Variants in COL4A5 observed in about 807,000 individuals in gnomAD.
COL4A5 encodes the protein collagen type IV alpha 5 chain.
COL4A5 carries 26 observed loss-of-function variants against 130.2 expected under a neutral mutation model. The observed-to-expected ratio is 0.20, with a 90% confidence interval of 0.15 to 0.28. The LOEUF is 0.28. COL4A5 is among the 10% of genes least tolerant of loss of function. The pLI is 1.00. For synonymous variants in COL4A5, 496 were observed against 439.6 expected, an observed-to-expected ratio of 1.13 and a Z score of -1.60; for missense variants, 1,131 against 1,344.3, an observed-to-expected ratio of 0.84 and a Z score of 2.48.
intron 1 of COL4A5, among the ~76,000 whole-genome samples, chrX:108,517,117 A>G (rs1472329482): frequency 8.9e-6 from 1 of 111,798 alleles, no homozygotes; most frequent in Non-Finnish European, 1.9e-5. Context: ...TTAACACATC[A>G]ATCCCATGTA....
intron 21 of COL4A5, among the ~76,000 whole-genome samples, chrX:108,592,189 C>A (rs760936173): frequency 1.8e-5 from 2 of 111,891 alleles, no homozygotes; most frequent in South Asian, 7.5e-4. Flanking sequence ...CTGATTGCTA[C>A]CACCATATTT....
intron 17 of COL4A5, among the ~76,000 whole-genome samples, chrX:108,583,215 T>G (rs1034021902): frequency 3.6e-5 from 4 of 112,102 alleles, no homozygotes; most frequent in Non-Finnish European, 7.5e-5. Context: ...ACTTTGAGCA[T>G]GTATCGGCAA....
intron 44 of COL4A5, among the ~76,000 whole-genome samples, chrX:108,679,609 T>C (rs1255283322): frequency 1.3e-4 from 14 of 111,605 alleles, no homozygotes; most frequent in African/African-American, 4.2e-4. Flanking sequence ...CATAATAAGA[T>C]GCTCCAGGCT....
intron 6 of COL4A5, among the ~76,000 whole-genome samples, chrX:108,570,833 C>A (rs1052111980): frequency 1.8e-5 from 2 of 111,718 alleles, no homozygotes; most frequent in African/African-American, 6.5e-5. Context: ...TCTTCTACAG[C>A]AATTTCAGCT....
At chrX:108,617,842 A>G (rs2066959982) in intron 30 of COL4A5, among the ~76,000 whole-genome samples, 1 of 111,925 alleles carries the variant, frequency 8.9e-6, no homozygotes, top group African/African-American at 3.2e-5. Context: ...GGAAAAAAAA[A>G]TTCATCACCA....
Position 108,539,081 on chromosome X carries a change from T to G in COL4A5, c.82-665T>G, listed in dbSNP as rs1440605792. ...TTTATGCTCCATGATTGCTCATGAATGGAGAGAAACAAGTGACTTGAAGTG... is the reference window on the plus strand; with the variant it reads ...TTTATGCTCCATGATTGCTCATGAAGGGAGAGAAACAAGTGACTTGAAGTG... On this transcript the variant is annotated intron_variant, in intron 1 of 52. Transcript: ENST00000328300. 2.7e-5 allele frequency among the ~76,000 whole-genome samples: 3 copies of G among 111,624 alleles called. No individual in the cohort carries two copies. The East Asian group carries it at 8.5e-4, about 32-fold the overall frequency.
intron 44 of COL4A5, 130 bp downstream of exon 44, chrX:108,677,763 T>A: frequency 1.2e-6 from 1 of 835,691 alleles, no homozygotes; most frequent in Non-Finnish European, 1.7e-6. Context: ...ACTGGCGAAT[T>A]AAAAAGACAG....
chrX:108,687,380 A>G, intron 48 of COL4A5, 102 bp from the exon 49 acceptor site: 1 of 721,323 alleles, frequency 1.4e-6, no homozygotes, highest in African/African-American at 2.1e-5. Flanking sequence ...ATAAATATCA[A>G]ATAAATTAAC....
At chrX:108,616,015 A>G (rs1411888414) in intron 30 of COL4A5, among the ~76,000 whole-genome samples, 1 of 111,677 alleles carries the variant, frequency 9.0e-6, no homozygotes, top group African/African-American at 3.3e-5. Flanking sequence ...ACTATTTACA[A>G]TTGATTATAT....
intron 36 of COL4A5, among the ~76,000 whole-genome samples, chrX:108,633,753 C>T (rs1310873635): frequency 9.0e-6 from 1 of 111,613 alleles, no homozygotes; most frequent in African/African-American, 3.2e-5. Context: ...AATTTAGAAA[C>T]TTAACAAAGA....
At chrX:108,662,329 T>G (rs2147946616) in intron 37 of COL4A5, among the ~76,000 whole-genome samples, 1 of 110,970 alleles carries the variant, frequency 9.0e-6, no homozygotes, top group Non-Finnish European at 1.9e-5. Context: ...GTGTTTCTTA[T>G]AGTGAAGTCT....
chrX:108,455,008 C>T (rs1221756331), intron 1 of COL4A5, among the ~76,000 whole-genome samples: 1 of 111,817 alleles, frequency 8.9e-6, no homozygotes, highest in Non-Finnish European at 1.9e-5. Context: ...CATATGTATA[C>T]ACCTGCGAAA....
chrX:108,607,545 G>A (rs757916406), intron 29 of COL4A5, among the ~76,000 whole-genome samples: 1 of 88,331 alleles, frequency 1.1e-5, no homozygotes, highest in South Asian at 7.7e-4. Flanking sequence ...GTGCAATGGC[G>A]TGATCTTGGC....
chrX:108,670,796 C>A, intron 42 of COL4A5: 1 of 280,470 alleles, frequency 3.6e-6, no homozygotes, highest in Non-Finnish European at 6.9e-6. Flanking sequence ...AATCCCAGCA[C>A]TTTGGGAGGC....
At chrX:108,672,872 A>T (rs1283399098) in intron 42 of COL4A5, among the ~76,000 whole-genome samples, 1 of 107,522 alleles carries the variant, frequency 9.3e-6, no homozygotes, top group Admixed American at 9.7e-5. Context: ...ATTCTAATTT[A>T]TTTAACTAAT....
At chrX:108,487,076 A>T (rs1398678451) in intron 1 of COL4A5, among the ~76,000 whole-genome samples, 1 of 112,030 alleles carries the variant, frequency 8.9e-6, no homozygotes, top group Non-Finnish European at 1.9e-5. Context: ...ACCAGTTTAC[A>T]TTCCCCCCAG....
At chrX:108,541,058 G>A (rs975800702) in intron 2 of COL4A5, among the ~76,000 whole-genome samples, 4 of 111,956 alleles carry the variant, frequency 3.6e-5, no homozygotes, top group East Asian at 2.8e-4. Context: ...TAGAAGGTAC[G>A]TTAGCATATT....
intron 1 of COL4A5, among the ~76,000 whole-genome samples, chrX:108,513,189 A>C (rs1270627631): frequency 9.0e-6 from 1 of 111,148 alleles, no homozygotes; most frequent in African/African-American, 3.3e-5. Context: ...GTTTCATTTA[A>C]AATTGCCTCA....
chrX:108,542,957 T>G (rs1283153773), intron 2 of COL4A5, among the ~76,000 whole-genome samples: 1 of 109,537 alleles, frequency 9.1e-6, no homozygotes, highest in East Asian at 2.9e-4. Context: ...ATGGGGTTGT[T>G]TGTTTTTTTC....
Sources: gnomAD v4.1 joint callset for allele counts (sites outside exome capture counted in the v4.1 genomes callset) on GRCh38, gnomAD v4.1.1 for gene constraint, MANE v1.5 for transcripts, NCBI Gene and HGNC (gene_info 2026-07-23, HGNC 2026-07-21) for gene names.